Variants in MCMDC2 observed in about 807,000 individuals in gnomAD.
The protein encoded by MCMDC2 is minichromosome maintenance domain-containing protein 2.
In MCMDC2, 54 loss-of-function variants were observed where a neutral mutation model predicts 75.8. The ratio of observed to expected loss-of-function variants is 0.71; its 90% CI spans 0.57 to 0.89. The LOEUF (loss-of-function observed/expected upper bound fraction) is 0.89, where lower values mean the gene tolerates loss of function less well. MCMDC2 is among the 40% of genes least tolerant of loss of function. The pLI is 0.00. For synonymous variants in MCMDC2, 249 were observed against 274.6 expected, an observed-to-expected ratio of 0.91 and a Z score of 0.92; for missense variants, 656 against 780.4, an observed-to-expected ratio of 0.84 and a Z score of 1.90.
chr8:66,901,503 A>G (rs1222155798), intron 13 of MCMDC2, 155 bp downstream of exon 13: 30 of 1,358,236 alleles, frequency 2.2e-5, no homozygotes, highest in Non-Finnish European at 2.8e-5. Flanking sequence ...AAGGCTTCAC[A>G]ATTCCTTTTG....
intron 4 of MCMDC2, among the ~76,000 whole-genome samples, chr8:66,876,332 T>C (rs984906200): frequency 6.6e-6 from 1 of 152,232 alleles, no homozygotes; most frequent in African/African-American, 2.4e-5. Flanking sequence ...ATTCTTTGCC[T>C]TTATAAAGAG....
chr8:66,924,289 GA>G (rs934727375), downstream of MCMDC2, among the ~76,000 whole-genome samples: 3,848 of 144,788 alleles, frequency 0.027, 161 homozygotes, highest in African/African-American at 0.087. Flanking sequence ...CAAATTTGAA[GA>G]AAAAAAAAAA....
chr8:66,904,323 A>G (rs1812823368), intron 13 of MCMDC2, among the ~76,000 whole-genome samples: 1 of 152,152 alleles, frequency 6.6e-6, no homozygotes, highest in Non-Finnish European at 1.5e-5. Context: ...GAAAACACGG[A>G]GCAATCAAAA....
downstream of MCMDC2, among the ~76,000 whole-genome samples, chr8:66,923,602 A>G (rs1488449688): frequency 1.3e-5 from 2 of 152,140 alleles, no homozygotes; most frequent in Non-Finnish European, 2.9e-5. Flanking sequence ...GTCTTTACAA[A>G]GCTTAAAAAA....
chr8:66,890,870 T>TTA lies in MCMDC2; in HGVS notation c.1079_1080insTA (p.Asn361ArgfsTer5), dbSNP rs1563376792. The stretch of plus-strand genomic sequence containing the variant: ...AGTTTATTTTTTTTCCCTAGGCTTC[T>TTA]GAATTTTAGCATAAACCTTGTCCCC... On this transcript the variant is annotated frameshift_variant, in exon 10 of 15. Transcript: ENST00000422365. LOFTEE classifies it high-confidence loss of function. The TTA allele has an allele frequency of 6.2e-7, 1 of 1,600,274 alleles. No homozygotes were observed. The highest frequency in any genetic ancestry group is 8.5e-7 in the Non-Finnish European group (1 of 1,176,824).
intron 8 of MCMDC2, among the ~76,000 whole-genome samples, chr8:66,881,910 G>T (rs1811585298): frequency 6.6e-6 from 1 of 152,208 alleles, no homozygotes; most frequent in Non-Finnish European, 1.5e-5. Context: ...ATTAAATCTT[G>T]AATAGAGTTG....
chr8:66,884,231 C>T (rs1811727582), intron 9 of MCMDC2: 1 of 529,628 alleles, frequency 1.9e-6, no homozygotes, highest in South Asian at 3.1e-5. Context: ...ATAAATACAT[C>T]CTTCCCAGCC....
At chr8:66,909,145 T>C (rs1813012720) in intron 14 of MCMDC2, among the ~76,000 whole-genome samples, 1 of 152,166 alleles carries the variant, frequency 6.6e-6, no homozygotes. Flanking sequence ...CAGTTCTCCT[T>C]CCTGCTGCCT....
chr8:66,896,976 C>A lies in MCMDC2; in HGVS notation c.1626+17C>A, dbSNP rs767694068. On this transcript the variant is annotated intron_variant, in intron 12 of 14. Coordinates refer to ENST00000422365, the MANE Select transcript of MCMDC2 (RefSeq NM_173518.5). ...TTTGAAAAGGTAAAGGTGGATAAAA[C>A]GGTTACCCAGAATGCCTGTGCTAAT... 1.3e-6 allele frequency: 2 copies of A among 1,577,142 alleles called. No individual in the cohort carries two copies. The highest frequency in any genetic ancestry group is 2.4e-5 in the East Asian group (1 of 41,988).
chr8:66,909,658 G>A (rs1341570200), intron 14 of MCMDC2, among the ~76,000 whole-genome samples: 1 of 152,304 alleles, frequency 6.6e-6, no homozygotes, highest in Non-Finnish European at 1.5e-5. Context: ...TTGAACTTGA[G>A]AGACATAATC....
Position 66,890,873 on chromosome 8 carries a change from A to C in MCMDC2, c.1082A>C (p.Asn361Thr), listed in dbSNP as rs1289387184. Residue 361 changes from asparagine to threonine, a missense_variant, in exon 10 of 15, where the codon AAT (asparagine) becomes ACT (threonine). By Grantham distance (65) the Asn-to-Thr change is moderately conservative (BLOSUM62 0). Coordinates refer to ENST00000422365, the MANE Select transcript of MCMDC2 (RefSeq NM_173518.5). Reference protein sequence around the residue: ...SDTLLIDRLLNFSINLVPRGI... With the variant: ...SDTLLIDRLLTFSINLVPRGI... ...TTATTTTTTTTCCCTAGGCTTCTGA[A>C]TTTTAGCATAAACCTTGTCCCCCGT... 6.2e-7 allele frequency: 1 copy of C among 1,601,688 alleles called. No individual in the cohort carries two copies. Among genetic ancestry groups the C allele is most frequent in the Non-Finnish European group, 8.5e-7 (1 of 1,177,282 alleles).
At chr8:66,911,927 T>C (rs1386178816) in intron 14 of MCMDC2, among the ~76,000 whole-genome samples, 11 of 152,214 alleles carry the variant, frequency 7.2e-5, no homozygotes, top group Non-Finnish European at 1.6e-4. Flanking sequence ...TGAATGTTGT[T>C]ATTATGCCTG....
intron 14 of MCMDC2, among the ~76,000 whole-genome samples, chr8:66,907,535 C>T (rs1268793432): frequency 3.3e-5 from 5 of 152,114 alleles, no homozygotes; most frequent in African/African-American, 1.2e-4. Context: ...AATAAACATA[C>T]GTGTGCATGT....
intron 10 of MCMDC2, among the ~76,000 whole-genome samples, chr8:66,892,182 T>C (rs1812139382): frequency 6.6e-6 from 1 of 152,088 alleles, no homozygotes; most frequent in Non-Finnish European, 1.5e-5. Context: ...GGCAAGAGGA[T>C]TATAGTGTTA....
intron 9 of MCMDC2, among the ~76,000 whole-genome samples, chr8:66,890,251 A>T (rs993932141): frequency 1.3e-5 from 2 of 152,038 alleles, no homozygotes; most frequent in African/African-American, 4.8e-5. Flanking sequence ...TTTTTAGTAG[A>T]GATGGGATTT....
intron 14 of MCMDC2, among the ~76,000 whole-genome samples, chr8:66,909,136 A>C (rs1813012177): frequency 6.6e-6 from 1 of 152,168 alleles, no homozygotes; most frequent in South Asian, 2.1e-4. Flanking sequence ...TTCGCTTGGC[A>C]GTTCTCCTTC....
rs927681171 is a variant in MCMDC2, at chr8:66,884,246, T to C, written c.1073+252T>C. ...ATAAATACATCCTTCCCAGCCTTCCTTTCCCCCTATTCCCTAGCTCTGTAT... is the reference window on the plus strand; with the variant it reads ...ATAAATACATCCTTCCCAGCCTTCCCTTCCCCCTATTCCCTAGCTCTGTAT... On this transcript the variant is annotated intron_variant, in intron 9 of 14. Coordinates refer to ENST00000422365, the MANE Select transcript of MCMDC2 (RefSeq NM_173518.5). 5.7e-6 allele frequency: 3 copies of C among 524,666 alleles called. No individual in the cohort carries two copies. The African/African-American group carries it at 5.8e-5, about 10-fold the overall frequency. The allele number at this position is 524,666 out of a possible 1,614,324, so 32.5% of individuals were successfully genotyped here.
At chr8:66,914,892 C>T (rs548186545) in intron 14 of MCMDC2, among the ~76,000 whole-genome samples, 6 of 151,050 alleles carry the variant, frequency 4.0e-5, no homozygotes, top group South Asian at 2.1e-4. Flanking sequence ...TTGGGGGCAG[C>T]GGAAGGGAGG....
intron 10 of MCMDC2, among the ~76,000 whole-genome samples, chr8:66,892,626 C>T (rs925025127): frequency 6.6e-6 from 1 of 152,108 alleles, no homozygotes; most frequent in Non-Finnish European, 1.5e-5. Flanking sequence ...CTGATTGGTC[C>T]ATGGGTGGGC....
Sources: allele counts gnomAD v4.1 joint callset (sites outside exome capture counted in the v4.1 genomes callset), GRCh38; gene constraint gnomAD v4.1.1; transcripts MANE v1.5; gene names NCBI Gene and HGNC (gene_info 2026-07-23, HGNC 2026-07-21).